LTBP1: variants seen among roughly 807,000 people sequenced by gnomAD.
LTBP1 encodes the protein latent transforming growth factor beta binding protein 1, also known as latent-transforming growth factor beta-binding protein 1.
Under a neutral mutation model 207.6 loss-of-function variants are expected in LTBP1, and 129 were observed. The observed-to-expected ratio is 0.62, with a 90% CI of 0.54 to 0.72. The LOEUF is 0.72. LTBP1 is among the 30% of genes least tolerant of loss of function. LTBP1 has a pLI of 0.00. For synonymous variants in LTBP1, 963 were observed against 833.7 expected, an observed-to-expected ratio of 1.16 and a Z score of -2.67; for missense variants, 2,281 against 2,217.2, an observed-to-expected ratio of 1.03 and a Z score of -0.58.
At chr2:33,150,697 CTTTTTTCTTTTTCTTTTTTTTT>C (rs2083441554) in intron 5 of LTBP1, among the ~76,000 whole-genome samples, 1 of 120,312 alleles carries the variant, frequency 8.3e-6, no homozygotes, top group Admixed American at 8.4e-5. Flanking sequence ...TTTCTTTTTT[CTTTTTTCTTTTTCTTTTTTTTT>C]TTTTTTTTTT....
At chr2:33,081,195 C>A (rs1225311091) in intron 3 of LTBP1, among the ~76,000 whole-genome samples, 4 of 152,042 alleles carry the variant, frequency 2.6e-5, no homozygotes, top group African/African-American at 7.2e-5. Context: ...TTTCTTTCCT[C>A]TGGGTATAGG....
chr2:32,966,244 A>C (rs1679985751), intron 2 of LTBP1, among the ~76,000 whole-genome samples: 1 of 152,236 alleles, frequency 6.6e-6, no homozygotes, highest in East Asian at 1.9e-4. Flanking sequence ...CCTTTATCAG[A>C]CGTGTCTCTT....
intron 10 of LTBP1, among the ~76,000 whole-genome samples, chr2:33,250,293 A>AT (rs1300692931): frequency 1.3e-5 from 2 of 152,216 alleles, no homozygotes; most frequent in African/African-American, 4.8e-5. Flanking sequence ...ATTAAAGAAA[A>AT]TGTGAATCAT....
At chr2:33,133,948 G>C (rs528678288) in intron 4 of LTBP1, among the ~76,000 whole-genome samples, 2 of 152,228 alleles carry the variant, frequency 1.3e-5, no homozygotes, top group South Asian at 4.2e-4. Flanking sequence ...CATAGCCTCG[G>C]CTGTGTGGTC....
chr2:33,146,728 A>G (rs1016390660), intron 5 of LTBP1, among the ~76,000 whole-genome samples: 20 of 152,216 alleles, frequency 1.3e-4, no homozygotes, highest in Non-Finnish European at 2.8e-4. Flanking sequence ...TGGTTGGAGA[A>G]GGAGGAGAGA....
intron 24 of LTBP1, among the ~76,000 whole-genome samples, chr2:33,335,641 C>T (rs1573898634): frequency 6.6e-6 from 1 of 152,194 alleles, no homozygotes; most frequent in Admixed American, 6.5e-5. Context: ...TGGCTTCCCT[C>T]CTGTGCTGTG....
intron 5 of LTBP1, among the ~76,000 whole-genome samples, chr2:33,146,826 A>G (rs1288185508): frequency 2.0e-5 from 3 of 152,214 alleles, no homozygotes; most frequent in Non-Finnish European, 2.9e-5. Flanking sequence ...GTTCGCCCCC[A>G]TGATCCAATC....
chr2:33,006,381 C>CTT (rs3047193), intron 2 of LTBP1, among the ~76,000 whole-genome samples: 14 of 116,730 alleles, frequency 1.2e-4, no homozygotes, highest in South Asian at 1.2e-3. Flanking sequence ...ATAAGAAAGC[C>CTT]TTTTTTTTTT....
chr2:33,295,639 A>C (rs2093860007), intron 20 of LTBP1, among the ~76,000 whole-genome samples: 1 of 152,042 alleles, frequency 6.6e-6, no homozygotes, highest in Non-Finnish European at 1.5e-5. Flanking sequence ...TTTCCTTTTT[A>C]TGATTTTTTA....
At chr2:33,322,816 C>T (rs797012815) in intron 24 of LTBP1, among the ~76,000 whole-genome samples, 38 of 152,280 alleles carry the variant, frequency 2.5e-4, no homozygotes, top group Middle Eastern at 3.4e-3. Flanking sequence ...CTTAGTGAAC[C>T]GGTTTCTGAC....
intron 23 of LTBP1, among the ~76,000 whole-genome samples, chr2:33,311,030 A>AT (rs1345808803): frequency 1.3e-5 from 2 of 152,030 alleles, no homozygotes; most frequent in African/African-American, 2.4e-5. Context: ...AATATGTATG[A>AT]TTTTTTTAAA....
rs553744741 is a variant in LTBP1 at position 33,350,733 on chromosome 2, G to A, written c.4000+3223G>A. Among the ~76,000 whole-genome samples, 79 of 152,224 alleles carry A rather than the reference G, an allele frequency of 5.2e-4. 2 individuals carry two copies. The highest frequency in any genetic ancestry group is 1.9e-3 in the African/African-American group (77 of 41,554). ...ATACCAGGCCACTCATCACATTTAA[G>A]AAGGTATGGATATGAAATATAGTCT... On this transcript the variant is annotated intron_variant, in intron 26 of 33. Coordinates refer to ENST00000404816, the MANE Select transcript of LTBP1 (RefSeq NM_206943.4).
At chr2:33,187,929 G>T (rs185921230) in intron 6 of LTBP1, among the ~76,000 whole-genome samples, 4 of 152,066 alleles carry the variant, frequency 2.6e-5, no homozygotes, top group African/African-American at 4.8e-5. Context: ...TCAAATGCTT[G>T]ATCTTTCTGA....
intron 32 of LTBP1, among the ~76,000 whole-genome samples, chr2:33,393,549 T>A (rs1009210157): frequency 5.9e-4 from 90 of 152,110 alleles, no homozygotes; most frequent in African/African-American, 2.1e-3. Flanking sequence ...GTGTTTGGTT[T>A]TCTGTCCTTG....
intron 2 of LTBP1, among the ~76,000 whole-genome samples, chr2:33,004,638 G>A (rs1352057041): frequency 6.6e-6 from 1 of 151,168 alleles, no homozygotes; most frequent in Non-Finnish European, 1.5e-5. Context: ...AGCCAGGCTT[G>A]TTGGTGCGTG....
At chr2:33,091,513 C>G (rs1458896224) in intron 3 of LTBP1, among the ~76,000 whole-genome samples, 1 of 152,188 alleles carries the variant, frequency 6.6e-6, no homozygotes, top group East Asian at 1.9e-4. Context: ...GTACTCTCTT[C>G]ACTATTCTCT....
chr2:33,263,432 G>T, intron 15 of LTBP1, 40 bp downstream of exon 15: 1 of 1,435,650 alleles, frequency 7.0e-7, no homozygotes, highest in Non-Finnish European at 9.8e-7. Context: ...ACATGGAGGA[G>T]ACGTGGGGCT....
chr2:33,089,048 C>T (rs1443572148), intron 3 of LTBP1, among the ~76,000 whole-genome samples: 10 of 149,418 alleles, frequency 6.7e-5, no homozygotes, highest in Admixed American at 2.0e-4. Flanking sequence ...CCCAGCTACT[C>T]GGGAGGCTGA....
At chr2:33,062,775 G>T (rs72793716) in intron 3 of LTBP1, among the ~76,000 whole-genome samples, 14,800 of 152,088 alleles carry the variant, frequency 0.097, 951 homozygotes, top group Non-Finnish European at 0.14. Flanking sequence ...TATGATTTTC[G>T]TATCTGATAA....
Sources: allele counts gnomAD v4.1 joint callset (sites outside exome capture counted in the v4.1 genomes callset), GRCh38; gene constraint gnomAD v4.1.1; transcripts MANE v1.5; gene names NCBI Gene and HGNC (gene_info 2026-07-23, HGNC 2026-07-21).